The following ELP4 variants were observed in gnomAD, a reference collection of about 807,000 sequenced individuals.
ELP4 encodes the protein elongator acetyltransferase complex subunit 4.
ELP4 carries 51 observed loss-of-function variants against 48.9 expected under a neutral mutation model. The ratio of observed to expected loss-of-function variants is 1.04; its 90% CI spans 0.83 to 1.32. The LOEUF is 1.32. Among genes scored for constraint, ELP4 ranks in the 40% most tolerant of loss-of-function variants. ELP4 has a pLI of 0.00. For missense variants in ELP4, 519 were observed against 514.6 expected (o/e 1.01, Z -0.08); for synonymous variants, 210 against 189.2 (o/e 1.11, Z -0.90).
intron 9 of ELP4, among the ~76,000 whole-genome samples, chr11:31,731,179 G>A (rs1007470740): frequency 6.6e-6 from 1 of 151,820 alleles, no homozygotes; most frequent in South Asian, 2.1e-4. Flanking sequence ...TTATAAGAAC[G>A]TGAAGAAACA....
chr11:31,607,445 G>C (rs1438094802), intron 5 of ELP4, among the ~76,000 whole-genome samples: 1 of 152,218 alleles, frequency 6.6e-6, no homozygotes, highest in East Asian at 1.9e-4. Flanking sequence ...CTCCAAAGGA[G>C]AGAAATGATG....
chr11:31,543,443 C>T (rs1482111688), intron 3 of ELP4, among the ~76,000 whole-genome samples: 1 of 152,086 alleles, frequency 6.6e-6, no homozygotes, highest in Non-Finnish European at 1.5e-5. Context: ...CCTCAGCCTC[C>T]CAAGTAGCGG....
At chr11:31,533,433 A>G (rs1322385788) in intron 2 of ELP4, among the ~76,000 whole-genome samples, 3 of 122,996 alleles carry the variant, frequency 2.4e-5, no homozygotes, top group Non-Finnish European at 4.7e-5. Context: ...GCCAGACTGC[A>G]GTGGCGCTAT....
At chr11:31,625,871 T>C (rs1944732560) in intron 5 of ELP4, among the ~76,000 whole-genome samples, 1 of 151,772 alleles carries the variant, frequency 6.6e-6, no homozygotes, top group Non-Finnish European at 1.5e-5. Context: ...AGAATATTAT[T>C]TTTGCACACG....
intron 9 of ELP4, among the ~76,000 whole-genome samples, chr11:31,757,714 A>AT (rs1306489709): frequency 6.6e-6 from 1 of 152,176 alleles, no homozygotes; most frequent in African/African-American, 2.4e-5. Flanking sequence ...CTTGAATGTG[A>AT]TTAAGAGAAC....
At chr11:31,612,200 CA>C (rs980290205) in intron 5 of ELP4, among the ~76,000 whole-genome samples, 11 of 150,278 alleles carry the variant, frequency 7.3e-5, no homozygotes, top group Admixed American at 1.3e-4. Context: ...AATGTCAATG[CA>C]AAAAAAATTA....
intron 3 of ELP4, among the ~76,000 whole-genome samples, chr11:31,578,344 T>C (rs1037898732): frequency 1.3e-5 from 2 of 152,128 alleles, no homozygotes; most frequent in African/African-American, 4.8e-5. Flanking sequence ...GAATCAACCT[T>C]GTGAAAATGA....
chr11:31,670,458 G>A (rs12418309), intron 9 of ELP4, among the ~76,000 whole-genome samples: 41,227 of 151,944 alleles, frequency 0.27, 5,931 homozygotes, highest in African/African-American at 0.36. Flanking sequence ...GAAGTGTTGT[G>A]TCCCTGTCAT....
chr11:31,578,616 G>A (rs1957330629), intron 3 of ELP4, among the ~76,000 whole-genome samples: 2 of 152,252 alleles, frequency 1.3e-5, no homozygotes, highest in Admixed American at 6.5e-5. Context: ...ACAGAACGGA[G>A]CCCTCAGAAA....
chr11:31,528,416 A>G (rs778768911), intron 2 of ELP4, among the ~76,000 whole-genome samples: 5 of 152,148 alleles, frequency 3.3e-5, no homozygotes, highest in Non-Finnish European at 5.9e-5. Context: ...TCATTGCCCT[A>G]ATCTAAACAT....
At position 31,731,286 on chromosome 11, in the gene ELP4, A is replaced by G. The variant is rs575873162; in HGVS notation, c.1144-52107A>G. On this transcript the variant is annotated intron_variant, in intron 9 of 9. Coordinates refer to ENST00000640961, the MANE Select transcript of ELP4 (RefSeq NM_019040.5). ...GCTTGACAAAGAATTCAAGGTAACC[A>G]TCATAAATATGTTAATCAAACTCAG... 5.3e-5 allele frequency among the ~76,000 whole-genome samples: 8 copies of G among 152,362 alleles called. No homozygotes were observed. The East Asian group carries it at 9.6e-4, about 18-fold the overall frequency.
At chr11:31,665,027 A>T (rs1945641811) in intron 9 of ELP4, among the ~76,000 whole-genome samples, 1 of 152,132 alleles carries the variant, frequency 6.6e-6, no homozygotes, top group Admixed American at 6.5e-5. Context: ...TATGCTGCCA[A>T]CCAAATTTTG....
At chr11:31,763,259 C>A in intron 9 of ELP4, 1 of 526,598 alleles carries the variant, frequency 1.9e-6, no homozygotes, top group African/African-American at 2.0e-5. Context: ...TGATTTGTTG[C>A]AAATATTTAG....
chr11:31,606,868 T>C (rs1957885089), intron 5 of ELP4, among the ~76,000 whole-genome samples: 1 of 152,204 alleles, frequency 6.6e-6, no homozygotes, highest in South Asian at 2.1e-4. Flanking sequence ...ACATATTGCT[T>C]AACCTACCAC....
At chr11:31,570,763 C>T (rs1249352715) in intron 3 of ELP4, among the ~76,000 whole-genome samples, 1 of 149,360 alleles carries the variant, frequency 6.7e-6, no homozygotes, top group Non-Finnish European at 1.5e-5. Context: ...GAGGCGTGAG[C>T]CATTGTGCCT....
intron 9 of ELP4, among the ~76,000 whole-genome samples, chr11:31,708,988 G>A (rs1946687682): frequency 6.6e-6 from 1 of 151,898 alleles, no homozygotes; most frequent in Non-Finnish European, 1.5e-5. Context: ...TTATCCTTTT[G>A]GTCTTTAAAA....
At chr11:31,555,584 AAT>A (rs1010712634) in intron 3 of ELP4, among the ~76,000 whole-genome samples, 2 of 151,708 alleles carry the variant, frequency 1.3e-5, no homozygotes, top group East Asian at 1.9e-4. Context: ...TTTTTAACAT[AAT>A]ATATATATTA....
At chr11:31,515,374 G>A (rs1223896102) in intron 1 of ELP4, among the ~76,000 whole-genome samples, 1 of 152,082 alleles carries the variant, frequency 6.6e-6, no homozygotes, top group Admixed American at 6.6e-5. Flanking sequence ...TTTAGGTTAT[G>A]TGGTCACTCA....
chr11:31,574,427 A>G (rs991146063), intron 3 of ELP4, among the ~76,000 whole-genome samples: 1 of 152,218 alleles, frequency 6.6e-6, no homozygotes, highest in African/African-American at 2.4e-5. Flanking sequence ...GACAGCTTTG[A>G]GAGAGTAGTC....
Sources: allele counts gnomAD v4.1 joint callset (sites outside exome capture counted in the v4.1 genomes callset), GRCh38; gene constraint gnomAD v4.1.1; transcripts MANE v1.5; gene names NCBI Gene and HGNC (gene_info 2026-07-23, HGNC 2026-07-21).